Variants in ARHGEF11 observed in about 807,000 individuals in gnomAD.
ARHGEF11 encodes the protein Rho guanine exchange factor (GEF) 11.
A neutral mutation model predicts 193.7 loss-of-function variants in ARHGEF11; 55 were observed. The observed-to-expected ratio is 0.28, with a 90% CI of 0.23 to 0.36. The LOEUF (loss-of-function observed/expected upper bound fraction) is 0.36, where lower values mean the gene tolerates loss of function less well. ARHGEF11 is among the 10% of genes least tolerant of loss of function. The probability of loss-of-function intolerance (pLI) is 1.00; values close to 1 mark genes in which losing one functional copy is unlikely to be tolerated. For missense variants in ARHGEF11, 1,723 were observed against 2,005.6 expected (o/e 0.86, Z 2.69); for synonymous variants, 693 against 768.0 (o/e 0.90, Z 1.62).
In ARHGEF11 at chr1:156,937,447, G is replaced by C; in HGVS notation, c.4242C>G (p.Thr1414=). The change falls in exon 39 of 41, where the codon ACC becomes ACG. Residue 1414 remains threonine (T), a synonymous_variant. Transcript: ENST00000368194. ...SMPSGPPDSS[T]DHSEAPMSPP... ...GGCTCATGGGTGCCTCTGAGTGGTC[G>C]GTGCTTGAGTCCGGGGGTCCTGATG... 6.4e-7 allele frequency: 1 copy of C among 1,555,432 alleles called. No individual in the cohort carries two copies.
At chr1:156,974,363 T>G (rs1435085962) in intron 7 of ARHGEF11, among the ~76,000 whole-genome samples, 1 of 152,220 alleles carries the variant, frequency 6.6e-6, no homozygotes, top group Non-Finnish European at 1.5e-5. Context: ...CTACCACTCC[T>G]GGTCCCACTG....
intron 1 of ARHGEF11, among the ~76,000 whole-genome samples, chr1:157,035,402 T>C (rs889177483): frequency 7.6e-6 from 1 of 132,002 alleles, no homozygotes; most frequent in Non-Finnish European, 1.6e-5. Context: ...CACAAAATGC[T>C]TTTTTTTTTT....
chr1:156,951,724 A>C (rs1416254374), intron 21 of ARHGEF11, 25 bp from the exon 22 acceptor site: 1 of 1,613,646 alleles, frequency 6.2e-7, no homozygotes, highest in African/African-American at 1.3e-5. Context: ...AAAATGAAGG[A>C]CACTAGGCTT....
intron 1 of ARHGEF11, 31 bp from the exon 2 acceptor site, chr1:156,986,204 G>A (rs1231886436): frequency 1.3e-6 from 2 of 1,568,898 alleles, no homozygotes; most frequent in Admixed American, 3.3e-5. Context: ...GCATGTCAAT[G>A]AGCTCAGCAG....
At chr1:156,970,892 A>G (rs1662398181) in intron 8 of ARHGEF11, among the ~76,000 whole-genome samples, 1 of 152,242 alleles carries the variant, frequency 6.6e-6, no homozygotes, top group African/African-American at 2.4e-5. Context: ...GTCTAAGTCC[A>G]CAACCTGAGC....
rs1345325213 is a variant in ARHGEF11 at position 156,963,607 on chromosome 1, G to C, written c.964-13C>G. ...TTTGATCTACACCCTGGGGGAGAGA[G>C]TCAAATTGCAGAGATGAGAGGTTAT... On this transcript the variant is annotated splice_polypyrimidine_tract_variant and intron_variant, in intron 11 of 40. Coordinates refer to ENST00000368194, the MANE Select transcript of ARHGEF11 (RefSeq NM_198236.3). The C allele has an allele frequency of 3.1e-6, 5 of 1,612,464 alleles. No homozygotes were observed. Among genetic ancestry groups the C allele is most frequent in the South Asian group, 1.1e-5 (1 of 90,730 alleles).
intron 1 of ARHGEF11, among the ~76,000 whole-genome samples, chr1:156,987,562 A>C (rs2102500858): frequency 6.6e-6 from 1 of 152,338 alleles, no homozygotes; most frequent in South Asian, 2.1e-4. Flanking sequence ...GAGGAGGGAA[A>C]CTGGGTGGCT....
chr1:156,986,531 A>T (rs1664941316), intron 1 of ARHGEF11, among the ~76,000 whole-genome samples: 1 of 152,172 alleles, frequency 6.6e-6, no homozygotes, highest in Non-Finnish European at 1.5e-5. Flanking sequence ...AACAGAACGG[A>T]GCAGCAGAGA....
At chr1:156,983,222 T>A (rs991511229) in intron 3 of ARHGEF11, among the ~76,000 whole-genome samples, 23 of 144,968 alleles carry the variant, frequency 1.6e-4, no homozygotes, top group African/African-American at 6.0e-4. Flanking sequence ...TTTTTTTTTG[T>A]TTTTTGTTTT....
Position 156,947,464 on chromosome 1 carries a change from G to A in ARHGEF11, c.2342-14C>T. On this transcript the variant is annotated splice_polypyrimidine_tract_variant and intron_variant, in intron 25 of 40. Transcript: ENST00000368194. ...TCACAAACAGCTCTGAGCGGTGGTT[G>A]TGACAAGGAGGGTAGAAAGCCAGGG... 6.3e-7 allele frequency: 1 copy of A among 1,580,674 alleles called. No homozygotes were observed.
At chr1:156,968,343 T>C (rs1024083227) in intron 10 of ARHGEF11, among the ~76,000 whole-genome samples, 1 of 152,212 alleles carries the variant, frequency 6.6e-6, no homozygotes, top group South Asian at 2.1e-4. Context: ...TCGTCCCATT[T>C]TCACACAAAG....
At chr1:156,981,416 T>C (rs187980137) in intron 3 of ARHGEF11, among the ~76,000 whole-genome samples, 2 of 152,318 alleles carry the variant, frequency 1.3e-5, no homozygotes, top group Admixed American at 1.3e-4. Context: ...CAAAAGAACA[T>C]GCTCTTGACT....
intron 17 of ARHGEF11, 68 bp from the exon 18 acceptor site, chr1:156,957,883 A>G: frequency 6.5e-7 from 1 of 1,532,818 alleles, no homozygotes; most frequent in South Asian, 1.1e-5. Context: ...GTTAGAGGCT[A>G]GGAGGAGGGT....
chr1:157,046,368 G>T (rs1464164884), upstream of ARHGEF11, among the ~76,000 whole-genome samples: 1 of 152,098 alleles, frequency 6.6e-6, no homozygotes, highest in Non-Finnish European at 1.5e-5. Flanking sequence ...CCCGCGCCCC[G>T]TGCCCCTGCC....
intron 29 of ARHGEF11, 39 bp downstream of exon 29, chr1:156,946,006 G>A (rs759286427): frequency 1.3e-6 from 2 of 1,531,306 alleles, no homozygotes; most frequent in Admixed American, 1.7e-5. Flanking sequence ...CTGGCACGAG[G>A]CCCACTGCCT....
intron 7 of ARHGEF11, among the ~76,000 whole-genome samples, chr1:156,972,883 A>C (rs1662695854): frequency 6.6e-6 from 1 of 152,114 alleles, no homozygotes; most frequent in Admixed American, 6.5e-5. Context: ...ACATATCTTC[A>C]AAGTCTCCTT....
At chr1:157,013,730 C>T (rs1668855801) in intron 1 of ARHGEF11, among the ~76,000 whole-genome samples, 2 of 152,198 alleles carry the variant, frequency 1.3e-5, no homozygotes, top group Admixed American at 1.3e-4. Flanking sequence ...AATACTTCCA[C>T]CTTCAAAAAC....
In ARHGEF11 at chr1:157,044,468, A is replaced by C. The variant is rs1156850317; in HGVS notation, c.-138T>G. 2.6e-6 allele frequency: 2 copies of C among 776,922 alleles called. No individual in the cohort carries two copies. The highest frequency in any genetic ancestry group is 4.5e-6 in the Non-Finnish European group (2 of 442,868). The allele number at this position is 776,922 out of a possible 1,614,324, so 48.1% of individuals were successfully genotyped here. On this transcript the variant is annotated 5_prime_UTR_variant, in exon 1 of 41. It removes the in-frame stop codon of an upstream open reading frame in the 5' UTR. Coordinates refer to ENST00000368194, the MANE Select transcript of ARHGEF11 (RefSeq NM_198236.3). ...TAGAATCCTTTCTCCTCCAGCTCTC[A>C]GGACCCTGGTAACTGATGCTCCACT...
chr1:156,995,109 C>A (rs1666294382), intron 1 of ARHGEF11, among the ~76,000 whole-genome samples: 1 of 152,198 alleles, frequency 6.6e-6, no homozygotes, highest in Admixed American at 6.5e-5. Flanking sequence ...CCCCTCTCTG[C>A]CACCACGCTC....
Sources: allele counts gnomAD v4.1 joint callset (sites outside exome capture counted in the v4.1 genomes callset), GRCh38; gene constraint gnomAD v4.1.1; transcripts MANE v1.5; gene names NCBI Gene and HGNC (gene_info 2026-07-23, HGNC 2026-07-21).